Variants in ERMP1 observed in about 807,000 individuals in gnomAD.
ERMP1 encodes the protein endoplasmic reticulum metallopeptidase 1.
ERMP1 carries 86 observed loss-of-function variants against 92.0 expected under a neutral mutation model. The ratio of observed to expected loss-of-function variants is 0.93; its 90% CI spans 0.79 to 1.12. The LOEUF is 1.12. ERMP1 is among the 50% of genes most tolerant of loss of function. ERMP1 has a pLI of 0.00. For missense variants in ERMP1, 1,342 were observed against 1,116.3 expected (o/e 1.20, Z -2.88); for synonymous variants, 530 against 412.8 (o/e 1.28, Z -3.44).
At chr9:5,812,100 C>CAAAAGTCT (rs1829119198) in intron 6 of ERMP1, 25 bp downstream of exon 6, 1 of 1,421,592 alleles carries the variant, frequency 7.0e-7, no homozygotes, top group Non-Finnish European at 9.8e-7. Context: ...TAGTGTATAT[C>CAAAAGTCT]AAAAGTCTAA....
At chr9:5,813,338 A>C (rs1048068966) in intron 4 of ERMP1, among the ~76,000 whole-genome samples, 3 of 152,190 alleles carry the variant, frequency 2.0e-5, no homozygotes, top group Non-Finnish European at 2.9e-5. Context: ...GTATATCTTT[A>C]ATTTTCTTAC....
intron 12 of ERMP1, 107 bp downstream of exon 12, chr9:5,798,699 C>A: frequency 1.5e-6 from 1 of 668,760 alleles, no homozygotes; most frequent in South Asian, 2.0e-5. Flanking sequence ...AGTACAAACA[C>A]CACTGAACTT....
chr9:5,804,281 T>C (rs1828786927), intron 10 of ERMP1, among the ~76,000 whole-genome samples: 1 of 152,132 alleles, frequency 6.6e-6, no homozygotes, highest in Admixed American at 6.5e-5. Flanking sequence ...TCTTGGATCG[T>C]GGAGGTGGAC....
intron 4 of ERMP1, among the ~76,000 whole-genome samples, chr9:5,813,912 G>A (rs867587290): frequency 6.7e-5 from 10 of 148,380 alleles, no homozygotes; most frequent in African/African-American, 2.2e-4. Flanking sequence ...ATAATTATAT[G>A]TATAATTGTA....
At chr9:5,830,436 C>T (rs902326889) in intron 2 of ERMP1, among the ~76,000 whole-genome samples, 1 of 152,220 alleles carries the variant, frequency 6.6e-6, no homozygotes, top group South Asian at 2.1e-4. Flanking sequence ...GACACACACA[C>T]TGTCTGGTAA....
intron 10 of ERMP1, among the ~76,000 whole-genome samples, chr9:5,802,183 C>T (rs56887590): frequency 6.6e-6 from 1 of 152,214 alleles, no homozygotes; most frequent in African/African-American, 2.4e-5. Flanking sequence ...GCCTCAAGTC[C>T]TCAGGTACTC....
chr9:5,814,458 C>G (rs1480835753), intron 4 of ERMP1, among the ~76,000 whole-genome samples: 1 of 152,094 alleles, frequency 6.6e-6, no homozygotes, highest in East Asian at 1.9e-4. Flanking sequence ...AAAAAATGAC[C>G]AAGGCTGGGT....
intron 5 of ERMP1, among the ~76,000 whole-genome samples, chr9:5,860,584 A>T (rs1830456088): frequency 6.6e-6 from 1 of 151,626 alleles, no homozygotes; most frequent in African/African-American, 2.4e-5. Flanking sequence ...GAAAGTTGCA[A>T]GGACAATTTT....
At chr9:5,837,062 G>A (rs1830103791), upstream of ERMP1, among the ~76,000 whole-genome samples, 1 of 152,002 alleles carries the variant, frequency 6.6e-6, no homozygotes, top group Non-Finnish European at 1.5e-5. Context: ...TTTTTTCCAT[G>A]GCCTAGTAGA....
At chr9:5,853,525 T>G (rs1402671320) in intron 6 of ERMP1, among the ~76,000 whole-genome samples, 2 of 151,800 alleles carry the variant, frequency 1.3e-5, no homozygotes, top group Non-Finnish European at 2.9e-5. Context: ...CTAGATAAAG[T>G]TCAAAGAATT....
intron 7 of ERMP1, among the ~76,000 whole-genome samples, chr9:5,810,611 A>G (rs1829055341): frequency 1.3e-5 from 2 of 152,220 alleles, no homozygotes; most frequent in Admixed American, 1.3e-4. Context: ...AAATAAGGTA[A>G]CATAAGAAGA....
intron 6 of ERMP1, among the ~76,000 whole-genome samples, chr9:5,858,043 C>T (rs1830403000): frequency 6.6e-6 from 1 of 152,064 alleles, no homozygotes; most frequent in Non-Finnish European, 1.5e-5. Context: ...AACTTACAGA[C>T]CAGAGCAGAA....
chr9:5,849,678 C>T (rs922421905), intron 6 of ERMP1, among the ~76,000 whole-genome samples: 17 of 152,226 alleles, frequency 1.1e-4, no homozygotes, highest in African/African-American at 3.9e-4. Context: ...GTTAATAAAA[C>T]CCATGCTGTT....
upstream of ERMP1, among the ~76,000 whole-genome samples, chr9:5,837,208 C>A (rs12380118): frequency 6.6e-6 from 1 of 152,116 alleles, no homozygotes; most frequent in Non-Finnish European, 1.5e-5. Flanking sequence ...TGGACTTGAA[C>A]TCCTGACCTC....
At chr9:5,839,118 A>G (rs775108644) in intron 6 of ERMP1, among the ~76,000 whole-genome samples, 2 of 152,238 alleles carry the variant, frequency 1.3e-5, no homozygotes, top group African/African-American at 4.8e-5. Flanking sequence ...TGCAATGTCA[A>G]AAAGCTGATC....
chr9:5,815,680 A>T (rs1208634387), intron 4 of ERMP1, among the ~76,000 whole-genome samples: 2 of 152,142 alleles, frequency 1.3e-5, no homozygotes, highest in African/African-American at 2.4e-5. Context: ...TATGACAAAC[A>T]GGATATTTAC....
intron 6 of ERMP1, among the ~76,000 whole-genome samples, chr9:5,845,789 T>C (rs1830227289): frequency 6.6e-6 from 1 of 152,190 alleles, no homozygotes; most frequent in Admixed American, 6.5e-5. Context: ...TTGGGTATTT[T>C]TGTGAGGAGA....
At chr9:5,806,428 CTTTT>C (rs772362220) in intron 8 of ERMP1, among the ~76,000 whole-genome samples, 30 of 140,260 alleles carry the variant, frequency 2.1e-4, no homozygotes, top group African/African-American at 6.6e-4. Context: ...GCCATATAAA[CTTTT>C]TTTTTTTTTT....
At chr9:5,797,375 C>T (rs771828292) in intron 13 of ERMP1, among the ~76,000 whole-genome samples, 3 of 151,972 alleles carry the variant, frequency 2.0e-5, no homozygotes, top group Admixed American at 6.6e-5. Flanking sequence ...TTTGGCCGGG[C>T]GTGGTGGCTC....
Sources: allele counts gnomAD v4.1 joint callset (sites outside exome capture counted in the v4.1 genomes callset), GRCh38; gene constraint gnomAD v4.1.1; transcripts MANE v1.5; gene names NCBI Gene and HGNC (gene_info 2026-07-23, HGNC 2026-07-21).